ATG10: variants seen among roughly 807,000 people sequenced by gnomAD.
ATG10 encodes autophagy related 10.
A neutral mutation model predicts 32.1 loss-of-function variants in ATG10; 30 were observed. The ratio of observed to expected loss-of-function variants is 0.94; its 90% CI spans 0.70 to 1.27. ATG10 has a LOEUF of 1.27. Ranked by LOEUF, ATG10 falls within the 50% of genes most tolerant of loss-of-function variation. ATG10 has a pLI of 0.00. For missense variants in ATG10, 233 were observed against 262.3 expected, an observed-to-expected ratio of 0.89 and a Z score of 0.77; for synonymous variants, 87 against 91.5, an observed-to-expected ratio of 0.95 and a Z score of 0.28.
intron 3 of ATG10, among the ~76,000 whole-genome samples, chr5:82,095,269 G>C (rs1228755569): frequency 6.6e-6 from 1 of 152,080 alleles, no homozygotes; most frequent in Non-Finnish European, 1.5e-5. Context: ...TGTAGGTAGG[G>C]TGATCCTAGG....
chr5:82,143,318 T>C (rs1345362370), intron 3 of ATG10, among the ~76,000 whole-genome samples: 2 of 152,260 alleles, frequency 1.3e-5, no homozygotes, highest in East Asian at 1.9e-4. Flanking sequence ...ATAGACCTAG[T>C]TGCCAGAGCC....
intron 5 of ATG10, among the ~76,000 whole-genome samples, chr5:82,233,779 CT>C (rs1337966916): frequency 6.6e-6 from 1 of 152,172 alleles, no homozygotes; most frequent in East Asian, 1.9e-4. Flanking sequence ...AGAAAAAAAA[CT>C]TTTCTGTCTA....
At chr5:82,173,791 T>G (rs192010104) in intron 4 of ATG10, among the ~76,000 whole-genome samples, 1 of 152,200 alleles carries the variant, frequency 6.6e-6, no homozygotes, top group South Asian at 2.1e-4. Flanking sequence ...TGAGGCCAGA[T>G]GTAAAAAAAT....
chr5:82,185,180 T>A (rs1229808615), intron 5 of ATG10, among the ~76,000 whole-genome samples: 1 of 152,260 alleles, frequency 6.6e-6, no homozygotes, highest in Non-Finnish European at 1.5e-5. Flanking sequence ...GCCCCTGCTT[T>A]CCTTCCCAGC....
chr5:82,149,930 G>A (rs1188340181), intron 3 of ATG10, among the ~76,000 whole-genome samples: 1 of 152,028 alleles, frequency 6.6e-6, no homozygotes. Flanking sequence ...ATTTATTGCT[G>A]TAAATGATTT....
chr5:82,152,700 C>T (rs925294813), intron 3 of ATG10, among the ~76,000 whole-genome samples: 1 of 152,094 alleles, frequency 6.6e-6, no homozygotes, highest in Non-Finnish European at 1.5e-5. Context: ...TTTCCTTCAC[C>T]TTTGTCTTAT....
At chr5:82,061,819 T>A (rs1185480457) in intron 3 of ATG10, among the ~76,000 whole-genome samples, 1 of 1,258 alleles carries the variant, frequency 7.9e-4, no homozygotes, top group East Asian at 0.019. Flanking sequence ...CACACATACC[T>A]TTTTTTTTTT....
intron 5 of ATG10, among the ~76,000 whole-genome samples, chr5:82,200,864 ATTATTTATTTAT>A (rs34770803): frequency 0.064 from 9,184 of 143,152 alleles, 367 homozygotes; most frequent in Non-Finnish European, 0.089. Context: ...TTAAAAATAC[ATTATTTATTTAT>A]TTATTTATTT....
At chr5:81,992,432 G>A (rs1761492248) in intron 2 of ATG10, 1 of 149,550 alleles carries the variant, frequency 6.7e-6, no homozygotes, top group Non-Finnish European at 1.5e-5. Context: ...TTGAGACGAA[G>A]TCTCTGTCAC....
At chr5:82,029,544 A>T (rs1762686116) in intron 2 of ATG10, among the ~76,000 whole-genome samples, 1 of 152,306 alleles carries the variant, frequency 6.6e-6, no homozygotes, top group East Asian at 1.9e-4. Flanking sequence ...AGAATGGAAT[A>T]AAAAACAAGG....
chr5:82,009,060 G>A (rs1762057738), intron 2 of ATG10, among the ~76,000 whole-genome samples: 1 of 152,068 alleles, frequency 6.6e-6, no homozygotes, highest in Non-Finnish European at 1.5e-5. Context: ...ATATTTAATG[G>A]CATAATCTAA....
At chr5:82,145,600 C>T (rs1394984734) in intron 3 of ATG10, among the ~76,000 whole-genome samples, 2 of 152,026 alleles carry the variant, frequency 1.3e-5, no homozygotes, top group Admixed American at 6.6e-5. Flanking sequence ...CATTATGAAC[C>T]TCAGTGTGTA....
chr5:82,181,813 A>G (rs1246425182), intron 5 of ATG10, among the ~76,000 whole-genome samples: 1 of 152,092 alleles, frequency 6.6e-6, no homozygotes, highest in Non-Finnish European at 1.5e-5. Context: ...CTGTTCTTTC[A>G]GCATTTGTCT....
intron 3 of ATG10, among the ~76,000 whole-genome samples, chr5:82,104,652 C>G (rs1765389189): frequency 6.6e-6 from 1 of 151,950 alleles, no homozygotes; most frequent in African/African-American, 2.4e-5. Context: ...CAGAGAGTTA[C>G]AATAATTTAA....
intron 1 of ATG10, chr5:81,973,185 AG>A (rs1300393895): frequency 6.6e-6 from 1 of 152,256 alleles, no homozygotes; most frequent in Non-Finnish European, 1.5e-5. Flanking sequence ...GCTGGAGTGC[AG>A]TGGCACGATC....
chr5:82,144,700 A>T (rs577170999), intron 3 of ATG10, among the ~76,000 whole-genome samples: 6 of 146,248 alleles, frequency 4.1e-5, no homozygotes, highest in Non-Finnish European at 9.1e-5. Flanking sequence ...TTTTAAATTT[A>T]TTTAAGATGT....
chr5:82,098,861 C>G (rs1390621229), intron 3 of ATG10, among the ~76,000 whole-genome samples: 1 of 152,132 alleles, frequency 6.6e-6, no homozygotes, highest in East Asian at 1.9e-4. Context: ...GGGTCTTTGT[C>G]CAACTCACCC....
At chr5:82,243,651 A>G (rs947164605) in intron 5 of ATG10, among the ~76,000 whole-genome samples, 1 of 152,154 alleles carries the variant, frequency 6.6e-6, no homozygotes, top group African/African-American at 2.4e-5. Context: ...GCTTCCGGAT[A>G]TATAAAGCAA....
intron 2 of ATG10, among the ~76,000 whole-genome samples, chr5:82,047,309 T>C (rs1489203667): frequency 2.0e-5 from 3 of 152,032 alleles, no homozygotes; most frequent in Non-Finnish European, 4.4e-5. Context: ...AATGGGCAAG[T>C]TGGAAAACCC....
Sources: gnomAD v4.1 joint callset for allele counts (sites outside exome capture counted in the v4.1 genomes callset) on GRCh38, gnomAD v4.1.1 for gene constraint, MANE v1.5 for transcripts, NCBI Gene and HGNC (gene_info 2026-07-23, HGNC 2026-07-21) for gene names.